PALLD: variants seen among roughly 807,000 people sequenced by gnomAD.
PALLD encodes palladin.
Under a neutral mutation model 123.5 loss-of-function variants are expected in PALLD, and 61 were observed. That is an observed-to-expected ratio of 0.49 (90% CI 0.40 to 0.61). The LOEUF (loss-of-function observed/expected upper bound fraction) is 0.61, where lower values mean the gene tolerates loss of function less well. Among genes scored for constraint, PALLD ranks in the 20% least tolerant of loss-of-function variants. The pLI is 0.00. For synonymous variants in PALLD, 465 were observed against 496.4 expected (o/e 0.94, Z 0.84); for missense variants, 1,273 against 1,377.0 (o/e 0.92, Z 1.20).
At chr4:168,611,366 T>C (rs376189344) in intron 2 of PALLD, among the ~76,000 whole-genome samples, 4 of 152,192 alleles carry the variant, frequency 2.6e-5, no homozygotes, top group Non-Finnish European at 5.9e-5. Flanking sequence ...TCTGCTGAAC[T>C]GAATCGATTG....
chr4:168,712,427 G>A (rs1285364776), intron 10 of PALLD, among the ~76,000 whole-genome samples: 1 of 152,172 alleles, frequency 6.6e-6, no homozygotes, highest in Non-Finnish European at 1.5e-5. Flanking sequence ...GCAGGCTTGT[G>A]GGCAAGAAGA....
intron 2 of PALLD, among the ~76,000 whole-genome samples, chr4:168,632,621 G>T (rs1213109718): frequency 1.3e-5 from 2 of 152,148 alleles, no homozygotes; most frequent in East Asian, 3.9e-4. Context: ...TCAGTTGGCG[G>T]TGGTTCTTAG....
At chr4:168,912,175 A>AC (rs1244199705) in intron 15 of PALLD, among the ~76,000 whole-genome samples, 1 of 152,196 alleles carries the variant, frequency 6.6e-6, no homozygotes, top group Non-Finnish European at 1.5e-5. Context: ...TCTTCAAAAC[A>AC]CACAGAACAC....
At chr4:168,594,858 A>G (rs1771820322) in intron 2 of PALLD, among the ~76,000 whole-genome samples, 2 of 152,274 alleles carry the variant, frequency 1.3e-5, no homozygotes, top group African/African-American at 4.8e-5. Context: ...ATAGATCAAG[A>G]ACAAGGTTAA....
chr4:168,896,427 G>A, intron 12 of PALLD, 122 bp from the exon 13 acceptor site: 2 of 677,012 alleles, frequency 3.0e-6, no homozygotes, highest in Non-Finnish European at 5.3e-6. Flanking sequence ...AGTACTCACA[G>A]CACCGTTACT....
At chr4:168,714,047 T>C (rs1176931875) in intron 10 of PALLD, among the ~76,000 whole-genome samples, 1 of 150,692 alleles carries the variant, frequency 6.6e-6, no homozygotes, top group Admixed American at 6.6e-5. Context: ...TACCTGCCAT[T>C]TAACTAGGTA....
intron 2 of PALLD, among the ~76,000 whole-genome samples, chr4:168,524,170 A>C (rs1173992785): frequency 6.6e-6 from 1 of 152,172 alleles, no homozygotes; most frequent in Non-Finnish European, 1.5e-5. Context: ...CAGATGACTC[A>C]TTTTGTGGTT....
chr4:168,683,138 C>T, intron 5 of PALLD, 35 bp downstream of exon 5: 3 of 1,195,770 alleles, frequency 2.5e-6, no homozygotes, highest in Admixed American at 1.7e-5. Context: ...CATAAGGGGT[C>T]GAACTCATCA....
At position 168,877,988 on chromosome 4, in the gene PALLD, G is replaced by C. The variant is rs1041611510; in HGVS notation, c.1965-12934G>C. 8 of 1,499,846 alleles carry C rather than the reference G, an allele frequency of 5.3e-6. No individual in the cohort carries two copies. Among genetic ancestry groups the C allele is most frequent in the African/African-American group, 1.5e-5 (1 of 68,962 alleles). 92.9% of individuals were successfully genotyped at this position (1,499,846 alleles called of 1,614,324 possible). A position where few individuals can be genotyped will look rare whatever the true frequency, so the allele number is the denominator to read the frequency against. On this transcript the variant is annotated intron_variant, in intron 10 of 21. Coordinates refer to ENST00000505667, the MANE Select transcript of PALLD (RefSeq NM_001166108.2). ...GCAGTTCATCGCCGCGCAGAACCTC[G>C]GGCCCGCGTCGGGCCACGGCACGCC... is the stretch of plus-strand genomic sequence containing the variant.
rs1275884283 is a variant in PALLD, at chr4:168,844,446, C to T, written c.1965-46476C>T. 1.3e-5 allele frequency: 2 copies of T among 152,204 alleles called. No individual in the cohort carries two copies. Among genetic ancestry groups the T allele is most frequent in the Non-Finnish European group, 2.9e-5 (2 of 68,040 alleles). The allele number at this position is 152,204 out of a possible 1,614,324, so 9.4% of individuals were successfully genotyped here. A position where few individuals can be genotyped will look rare whatever the true frequency, so the allele number is the denominator to read the frequency against. On this transcript the variant is annotated intron_variant, in intron 10 of 21. Transcript: ENST00000505667. The surrounding 1 kb of genome is among the most constrained non-coding windows in gnomAD (Gnocchi z 4.5). The stretch of plus-strand genomic sequence containing the variant: ...ACACAGAAGAGAGAAGTGGGGAACC[C>T]CACAAGCCTTGAGAATTTCAAGAAT...
intron 2 of PALLD, among the ~76,000 whole-genome samples, chr4:168,545,008 G>C (rs1766005569): frequency 6.6e-6 from 1 of 152,166 alleles, no homozygotes; most frequent in Admixed American, 6.5e-5. Flanking sequence ...TGATTTCTCA[G>C]ATCCAGCAAC....
At chr4:168,589,293 G>C (rs1771164564) in intron 2 of PALLD, among the ~76,000 whole-genome samples, 2 of 152,192 alleles carry the variant, frequency 1.3e-5, no homozygotes, top group African/African-American at 4.8e-5. Flanking sequence ...CTCAGGGCCA[G>C]ACAGGTGTGG....
At chr4:168,576,650 G>C (rs562075233) in intron 2 of PALLD, among the ~76,000 whole-genome samples, 12 of 152,138 alleles carry the variant, frequency 7.9e-5, no homozygotes, top group Admixed American at 5.2e-4. Context: ...GGACATTTGG[G>C]TTGGTTCCAA....
At chr4:168,570,208 TTGTC>T (rs1202907161) in intron 2 of PALLD, among the ~76,000 whole-genome samples, 1 of 152,194 alleles carries the variant, frequency 6.6e-6, no homozygotes, top group Non-Finnish European at 1.5e-5. Context: ...CATTCAATAA[TTGTC>T]TGTCTATTTA....
At chr4:168,850,051 C>T (rs1747516413) in intron 10 of PALLD, among the ~76,000 whole-genome samples, 1 of 152,138 alleles carries the variant, frequency 6.6e-6, no homozygotes, top group South Asian at 2.1e-4. Context: ...CAATAAACTC[C>T]TTTAATCCTC....
intron 2 of PALLD, among the ~76,000 whole-genome samples, chr4:168,620,162 T>TA (rs564222689): frequency 1.3e-5 from 2 of 152,268 alleles, no homozygotes; most frequent in East Asian, 1.9e-4. Flanking sequence ...GGTATTTCAA[T>TA]AAAAAATTAT....
At chr4:168,659,111 T>C (rs1778885453) in intron 2 of PALLD, among the ~76,000 whole-genome samples, 1 of 152,198 alleles carries the variant, frequency 6.6e-6, no homozygotes, top group African/African-American at 2.4e-5. Flanking sequence ...AAAAATTAAT[T>C]AGTGTTTCAT....
rs143091540 is a variant in PALLD at position 168,514,635 on chromosome 4, G to T, written c.908+2223G>T. ...AAATGAATGTTTCAGATTCTATTTAGATTTTTTAACCTATCAATCTTGCAA... is the reference window on the plus strand; with the variant it reads ...AAATGAATGTTTCAGATTCTATTTATATTTTTTAACCTATCAATCTTGCAA... On this transcript the variant is annotated intron_variant, in intron 2 of 21. Coordinates refer to ENST00000505667, the MANE Select transcript of PALLD (RefSeq NM_001166108.2). Among the ~76,000 whole-genome samples, 280 of 152,168 alleles carry T rather than the reference G, an allele frequency of 1.8e-3. 1 individual carries two copies. Among genetic ancestry groups the T allele is most frequent in the African/African-American group, 6.4e-3 (265 of 41,526 alleles).
intron 10 of PALLD, among the ~76,000 whole-genome samples, chr4:168,847,818 T>TA (rs989341022): frequency 3.7e-4 from 56 of 152,242 alleles, no homozygotes; most frequent in African/African-American, 1.2e-3. Flanking sequence ...ACAATCCAGT[T>TA]ATACTCTTAT....
Sources: gnomAD v4.1 joint callset for allele counts (sites outside exome capture counted in the v4.1 genomes callset) on GRCh38, gnomAD v4.1.1 for gene constraint, Gnocchi (gnomAD v3.1) non-coding constraint, MANE v1.5 for transcripts, NCBI Gene and HGNC (gene_info 2026-07-23, HGNC 2026-07-21) for gene names.